SVEP1: variants seen among roughly 807,000 people sequenced by gnomAD.
SVEP1 encodes the protein sushi, von Willebrand factor type A, EGF and pentraxin domain-containing protein 1.
A neutral mutation model predicts 367.3 loss-of-function variants in SVEP1; 164 were observed. The observed-to-expected ratio is 0.45, with a 90% CI of 0.39 to 0.51. SVEP1 has a LOEUF of 0.51. Among genes scored for constraint, SVEP1 ranks in the 20% least tolerant of loss-of-function variants. The pLI, the probability that SVEP1 is intolerant of heterozygous loss-of-function variation, is 0.00. For missense variants in SVEP1, 4,117 were observed against 4,425.3 expected, an observed-to-expected ratio of 0.93 and a Z score of 1.98; for synonymous variants, 1,666 against 1,611.6, an observed-to-expected ratio of 1.03 and a Z score of -0.81.
intron 1 of SVEP1, among the ~76,000 whole-genome samples, chr9:110,562,229 T>C (rs1341225143): frequency 7.3e-6 from 1 of 136,966 alleles, no homozygotes; most frequent in Non-Finnish European, 1.6e-5. Context: ...AAAATATGAA[T>C]AGCAAAAACA....
rs539656664 is a variant in SVEP1 at position 110,479,564 on chromosome 9, T to C, written c.2487+71A>G. The C allele has an allele frequency of 4.0e-6, 6 of 1,490,736 alleles. No individual in the cohort carries two copies. In the South Asian group the frequency reaches 7.2e-5, roughly 18 times the overall value. 92.3% of individuals were successfully genotyped at this position (1,490,736 alleles called of 1,614,324 possible). A position where few individuals can be genotyped will look rare whatever the true frequency, so the allele number is the denominator to read the frequency against. On this transcript the variant is annotated intron_variant, in intron 13 of 47. Transcript: ENST00000374469. ...AGGGAAATAGGATGAGAAATCGCAG[T>C]TGTAAATGACTCAGAAAGGTTATGA...
Position 110,450,074 on chromosome 9 carries a change from C to T in SVEP1, c.4088G>A (p.Gly1363Asp). The T allele has an allele frequency of 1.9e-6, 3 of 1,613,862 alleles. No homozygotes were observed. The highest frequency in any genetic ancestry group is 2.5e-6 in the Non-Finnish European group (3 of 1,179,792). The part of the protein sequence containing the change: ...PCKNGATCKD[G>D]ANSFRCLCAA... ...AGCCTTTTACCTGAAGCTATTGGCA[C>T]CGTCTTTACAGGTAGCTCCATTTTT... Residue 1363 changes from glycine to aspartate, a missense_variant, in exon 24 of 48, where the codon GGT becomes GAT. Gly to Asp is a moderately conservative substitution (Grantham distance 94). This residue lies in a region of SVEP1 where 2,174 missense variants were observed against 2,494.3 expected (regional missense o/e 0.87). Coordinates refer to ENST00000374469, the MANE Select transcript of SVEP1 (RefSeq NM_153366.4).
At chr9:110,471,826 G>A (rs1345738988) in intron 15 of SVEP1, among the ~76,000 whole-genome samples, 1 of 152,170 alleles carries the variant, frequency 6.6e-6, no homozygotes, top group Non-Finnish European at 1.5e-5. Context: ...TATACAATTT[G>A]TTTCAGTCCT....
At chr9:110,409,088 T>C (rs1020245919) in intron 37 of SVEP1, 137 bp from the exon 38 acceptor site, 6 of 1,029,820 alleles carry the variant, frequency 5.8e-6, no homozygotes, top group South Asian at 2.1e-5. Context: ...TAATGATTTA[T>C]GGTTTTTCCA....
chr9:110,450,941 T>G (rs1828684033), intron 23 of SVEP1, among the ~76,000 whole-genome samples: 1 of 152,228 alleles, frequency 6.6e-6, no homozygotes, highest in Admixed American at 6.5e-5. Context: ...ATTTACTCTT[T>G]AGAAATTAAG....
chr9:110,412,470 G>A (rs1445129281), intron 36 of SVEP1, among the ~76,000 whole-genome samples: 2 of 152,112 alleles, frequency 1.3e-5, no homozygotes, highest in Non-Finnish European at 2.9e-5. Flanking sequence ...ATACCATTCA[G>A]GACATAGGCA....
Position 110,406,833 on chromosome 9 carries a change from A to C in SVEP1, c.8767T>G (p.Leu2923Val). ...VTFHCHEGYI[L>V]HGAPKLTCQS... ...CAGGTGAGTTTTGGAGCACCGTGCA[A>C]GATGTAGCCCTCGTGACAGTGGAAT... Residue 2923 changes from leucine to valine, a missense_variant, in exon 38 of 48, where the codon TTG becomes GTG. Leu to Val is a conservative substitution (Grantham distance 32, BLOSUM62 1). This residue lies in a region of SVEP1 where 1,765 missense variants were observed against 1,781.1 expected (regional missense o/e 0.99). Coordinates refer to ENST00000374469, the MANE Select transcript of SVEP1 (RefSeq NM_153366.4). 6.2e-7 allele frequency: 1 copy of C among 1,614,002 alleles called. No homozygotes were observed. Among genetic ancestry groups the C allele is most frequent in the Non-Finnish European group, 8.5e-7 (1 of 1,179,898 alleles).
chr9:110,403,300 T>TTTTTTTTTTG (rs1564132070), intron 39 of SVEP1, among the ~76,000 whole-genome samples: 3 of 122,140 alleles, frequency 2.5e-5, no homozygotes, highest in African/African-American at 1.0e-4. Flanking sequence ...ACCGCCGTTT[T>TTTTTTTTTTG]TTTTTTTTTT....
In SVEP1 at chr9:110,496,798, A is replaced by G. The variant is rs1448809463; in HGVS notation, c.1800+17T>C. 5 of 1,521,542 alleles carry G rather than the reference A, an allele frequency of 3.3e-6. No homozygotes were observed. In the Admixed American group the frequency reaches 9.9e-5, roughly 30 times the overall value. The allele number at this position is 1,521,542 out of a possible 1,614,324, so 94.3% of individuals were successfully genotyped here. A position where few individuals can be genotyped will look rare whatever the true frequency, so the allele number is the denominator to read the frequency against. ...GAATTCATTTGAAAAGGATGCACAT[A>G]ATTGCACAAACCTTACCTTTTCACC... On this transcript the variant is annotated intron_variant, in intron 8 of 47. Coordinates refer to ENST00000374469, the MANE Select transcript of SVEP1 (RefSeq NM_153366.4).
rs1170625693 is a variant in SVEP1, at chr9:110,389,917, A to G, written c.9823-330T>C. Among the ~76,000 whole-genome samples, 5 of 151,686 alleles carry G rather than the reference A, an allele frequency of 3.3e-5. 1 individual carries two copies. Among genetic ancestry groups the G allele is most frequent in the African/African-American group, 4.8e-5 (2 of 41,296 alleles). ...GTCAAATAGTAGTATTCTTAGAAATATATGAATCATAGTGTATCATAATAT... is the reference window on the plus strand; with the variant it reads ...GTCAAATAGTAGTATTCTTAGAAATGTATGAATCATAGTGTATCATAATAT... On this transcript the variant is annotated intron_variant, in intron 40 of 47. Transcript: ENST00000374469.
chr9:110,365,715 C>CCTGT lies in SVEP1; in HGVS notation c.*820_*823dup, dbSNP rs776829029. On this transcript the variant is annotated 3_prime_UTR_variant, in exon 48 of 48. Coordinates refer to ENST00000374469, the MANE Select transcript of SVEP1 (RefSeq NM_153366.4). ...CCATTTGCCTTTTTCCTTCTCTTTCCCTGTCTTCCCCTTCCTCCCAAAATA... is the reference window on the plus strand; with the variant it reads ...CCATTTGCCTTTTTCCTTCTCTTTCCCTGTCTGTCTTCCCCTTCCTCCCAAAATA... 1.3e-5 allele frequency: 2 copies of CCTGT among 152,222 alleles called. No homozygotes were observed. Among genetic ancestry groups the CCTGT allele is most frequent in the Non-Finnish European group, 2.9e-5 (2 of 68,088 alleles). The allele number at this position is 152,222 out of a possible 1,614,324, so 9.4% of individuals were successfully genotyped here.
chr9:110,530,831 CCA>C (rs1217613381), intron 3 of SVEP1, among the ~76,000 whole-genome samples: 1 of 152,084 alleles, frequency 6.6e-6, no homozygotes, highest in Non-Finnish European at 1.5e-5. Context: ...GCCACCGTGC[CCA>C]GTCTTTATTC....
At chr9:110,380,777 C>T (rs1214056004) in intron 43 of SVEP1, among the ~76,000 whole-genome samples, 4 of 152,282 alleles carry the variant, frequency 2.6e-5, no homozygotes, top group Admixed American at 6.5e-5. Context: ...ACCAGCTCCT[C>T]TTTATACCTC....
intron 16 of SVEP1, among the ~76,000 whole-genome samples, chr9:110,470,530 T>C (rs1234538204): frequency 6.6e-6 from 1 of 151,952 alleles, no homozygotes; most frequent in Non-Finnish European, 1.5e-5. Context: ...CTTCTGGGGC[T>C]CAAGTAATCC....
At chr9:110,540,846 G>A (rs1351385639) in intron 3 of SVEP1, among the ~76,000 whole-genome samples, 1 of 152,166 alleles carries the variant, frequency 6.6e-6, no homozygotes, top group Non-Finnish European at 1.5e-5. Context: ...TCTTGTCCAT[G>A]AAGTAGCTGC....
intron 27 of SVEP1, among the ~76,000 whole-genome samples, chr9:110,439,721 T>G (rs1828485183): frequency 2.0e-5 from 3 of 152,068 alleles, no homozygotes; most frequent in African/African-American, 7.2e-5. Flanking sequence ...TTTAAGCCAC[T>G]TTGTGTATGG....
intron 42 of SVEP1, among the ~76,000 whole-genome samples, chr9:110,386,458 A>T (rs1044733359): frequency 4.8e-5 from 7 of 145,070 alleles, no homozygotes; most frequent in Non-Finnish European, 7.8e-5. Flanking sequence ...GAAGAATATC[A>T]AATGCTTCTC....
chr9:110,477,780 A>G (rs1271907974), intron 13 of SVEP1, among the ~76,000 whole-genome samples: 1 of 152,060 alleles, frequency 6.6e-6, no homozygotes. Flanking sequence ...AAAAAAATCC[A>G]TTCACTTCTC....
intron 36 of SVEP1, among the ~76,000 whole-genome samples, chr9:110,423,774 T>C (rs1352897240): frequency 6.6e-6 from 1 of 151,872 alleles, no homozygotes; most frequent in Non-Finnish European, 1.5e-5. Flanking sequence ...ATTGGTTTCC[T>C]GAAAATATAA....
Sources: allele counts gnomAD v4.1 joint callset (sites outside exome capture counted in the v4.1 genomes callset), GRCh38; gene constraint gnomAD v4.1.1; regional missense constraint gnomAD v4.1.1; transcripts MANE v1.5; gene names NCBI Gene and HGNC (gene_info 2026-07-23, HGNC 2026-07-21).